The following PTPRD variants were observed in gnomAD, a reference collection of about 807,000 sequenced individuals.
The protein encoded by PTPRD is protein tyrosine phosphatase receptor type D, also known as receptor-type tyrosine-protein phosphatase delta.
A neutral mutation model predicts 214.5 loss-of-function variants in PTPRD; 34 were observed. The ratio of observed to expected loss-of-function variants is 0.16; its 90% CI spans 0.12 to 0.21. The LOEUF is 0.21. Among genes scored for constraint, PTPRD ranks in the 10% least tolerant of loss-of-function variants. The pLI, the probability that PTPRD is intolerant of heterozygous loss-of-function variation, is 1.00. For missense variants in PTPRD, 2,545 were observed against 2,398.7 expected (o/e 1.06, Z -1.27); for synonymous variants, 1,128 against 845.7 (o/e 1.33, Z -5.79).
chr9:10,000,006 T>A (rs56084572), intron 4 of PTPRD, among the ~76,000 whole-genome samples: 6 of 152,086 alleles, frequency 3.9e-5, no homozygotes, highest in Non-Finnish European at 1.5e-5. Flanking sequence ...CATGAAAAAA[T>A]TTAATAATTA....
At chr9:10,364,751 G>A (rs185152774) in intron 2 of PTPRD, among the ~76,000 whole-genome samples, 1 of 152,112 alleles carries the variant, frequency 6.6e-6, no homozygotes, top group Admixed American at 6.5e-5. Context: ...TATCCCCTGG[G>A]TTCACATTAA....
intron 8 of PTPRD, among the ~76,000 whole-genome samples, chr9:9,401,870 A>G (rs1269627985): frequency 6.6e-6 from 1 of 151,972 alleles, no homozygotes; most frequent in Non-Finnish European, 1.5e-5. Flanking sequence ...CCTTCATGTG[A>G]AGAAGGACAT....
At chr9:8,844,137 A>G (rs35072441) in intron 11 of PTPRD, among the ~76,000 whole-genome samples, 21,561 of 152,184 alleles carry the variant, frequency 0.14, 1,760 homozygotes, top group Middle Eastern at 0.2. Context: ...TGCTTAAAAC[A>G]TCTAAAAGGT....
At chr9:9,955,369 C>A (rs1043153309) in intron 4 of PTPRD, among the ~76,000 whole-genome samples, 1 of 152,018 alleles carries the variant, frequency 6.6e-6, no homozygotes, top group East Asian at 1.9e-4. Flanking sequence ...TAAATTTTTA[C>A]TTCCTTTTTG....
chr9:8,670,578 T>C (rs532608128), intron 12 of PTPRD, among the ~76,000 whole-genome samples: 2 of 152,324 alleles, frequency 1.3e-5, no homozygotes, highest in South Asian at 2.1e-4. Context: ...TATGTTTCTA[T>C]ATATCTATAA....
chr9:8,569,918 A>C (rs926680448), intron 14 of PTPRD, among the ~76,000 whole-genome samples: 14 of 152,172 alleles, frequency 9.2e-5, no homozygotes, highest in Admixed American at 5.2e-4. Context: ...AGATTTGGGA[A>C]ACTGAAAAAT....
At chr9:8,637,343 G>C (rs909659940) in intron 12 of PTPRD, among the ~76,000 whole-genome samples, 1 of 152,114 alleles carries the variant, frequency 6.6e-6, no homozygotes, top group South Asian at 2.1e-4. Flanking sequence ...TGAATTAGAA[G>C]GTTTCGCAAG....
intron 10 of PTPRD, among the ~76,000 whole-genome samples, chr9:9,085,651 CTT>C (rs113774725): frequency 1.4e-5 from 2 of 146,220 alleles, no homozygotes; most frequent in Non-Finnish European, 3.0e-5. Flanking sequence ...GGTTAATGCT[CTT>C]TTTTTTTTTG....
At chr9:8,578,044 T>C (rs72696680) in intron 14 of PTPRD, among the ~76,000 whole-genome samples, 271 of 152,346 alleles carry the variant, frequency 1.8e-3, no homozygotes, top group Middle Eastern at 3.4e-3. Flanking sequence ...AATAAACTGG[T>C]AATTAAAATT....
chr9:9,022,711 C>T (rs914221642), intron 10 of PTPRD, among the ~76,000 whole-genome samples: 1 of 152,130 alleles, frequency 6.6e-6, no homozygotes, highest in African/African-American at 2.4e-5. Flanking sequence ...AAGAAGTCAA[C>T]ATAATTTGCA....
intron 7 of PTPRD, among the ~76,000 whole-genome samples, chr9:9,620,927 G>A (rs539580736): frequency 2.6e-5 from 4 of 151,458 alleles, no homozygotes; most frequent in African/African-American, 4.8e-5. Context: ...CTTGGCCAAC[G>A]AGGTAATAGC....
At position 9,931,385 on chromosome 9, in the gene PTPRD, G is replaced by A. The variant is rs187882132; in HGVS notation, c.-368+7122C>T. Among the ~76,000 whole-genome samples the A allele has an allele frequency of 8.6e-3, 1,316 of 152,304 alleles. 6 individuals carry two copies. Among genetic ancestry groups the A allele is most frequent in the Non-Finnish European group, 0.012 (829 of 68,018 alleles). On this transcript the variant is annotated intron_variant, in intron 5 of 45. Coordinates refer to ENST00000381196, the MANE Select transcript of PTPRD (RefSeq NM_002839.4). The stretch of plus-strand genomic sequence containing the variant: ...TGGGTGCGTGCACCGTGCGTGAGCC[G>A]AAGCAGGGCGAGGCATTGCCTCACT...
chr9:9,984,604 T>C (rs2095647132), intron 4 of PTPRD, among the ~76,000 whole-genome samples: 2 of 152,264 alleles, frequency 1.3e-5, no homozygotes, highest in Admixed American at 6.5e-5. Flanking sequence ...ATACAAGTGA[T>C]GTCAGGCAAG....
chr9:9,309,466 T>C (rs576891825), intron 9 of PTPRD, among the ~76,000 whole-genome samples: 4 of 152,324 alleles, frequency 2.6e-5, no homozygotes, highest in South Asian at 2.1e-4. Context: ...TACGTTCATG[T>C]GCCTGCATTA....
intron 8 of PTPRD, among the ~76,000 whole-genome samples, chr9:9,518,117 T>TA (rs1235005628): frequency 1.3e-5 from 2 of 152,088 alleles, no homozygotes; most frequent in Non-Finnish European, 2.9e-5. Context: ...CATAAAATGT[T>TA]AAAGTTCTCC....
chr9:10,317,551 T>C (rs541094116), intron 3 of PTPRD, among the ~76,000 whole-genome samples: 11 of 152,110 alleles, frequency 7.2e-5, no homozygotes, highest in African/African-American at 2.2e-4. Flanking sequence ...GAATATGCAG[T>C]TGATCTTCAA....
At chr9:9,959,772 T>C (rs571567883) in intron 4 of PTPRD, among the ~76,000 whole-genome samples, 1 of 152,174 alleles carries the variant, frequency 6.6e-6, no homozygotes, top group Non-Finnish European at 1.5e-5. Flanking sequence ...ACTGAATAAA[T>C]GGACAGCAGA....
chr9:9,834,838 G>A (rs2056247671), intron 5 of PTPRD, among the ~76,000 whole-genome samples: 1 of 151,888 alleles, frequency 6.6e-6, no homozygotes, highest in South Asian at 2.1e-4. Context: ...TAATTGATTG[G>A]TGATAACAGT....
intron 14 of PTPRD, among the ~76,000 whole-genome samples, chr9:8,632,043 G>A (rs936869446): frequency 6.6e-6 from 1 of 151,264 alleles, no homozygotes; most frequent in African/African-American, 2.4e-5. Context: ...AACTTAATAA[G>A]GTGTTTATAC....
Sources: allele counts gnomAD v4.1 joint callset (sites outside exome capture counted in the v4.1 genomes callset), GRCh38; gene constraint gnomAD v4.1.1; transcripts MANE v1.5; gene names NCBI Gene and HGNC (gene_info 2026-07-23, HGNC 2026-07-21).